The following GLG1 variants were observed in gnomAD, a reference collection of about 807,000 sequenced individuals.
The protein encoded by GLG1 is Golgi apparatus protein 1.
Under a neutral mutation model 160.5 loss-of-function variants are expected in GLG1, and 38 were observed. The ratio of observed to expected loss-of-function variants is 0.24; its 90% CI spans 0.18 to 0.31. The LOEUF is 0.31. Ranked by LOEUF, GLG1 falls within the 10% of genes least tolerant of loss-of-function variation. The pLI, the probability that GLG1 is intolerant of heterozygous loss-of-function variation, is 1.00. For synonymous variants in GLG1, 644 were observed against 543.4 expected, an observed-to-expected ratio of 1.19 and a Z score of -2.57; for missense variants, 1,373 against 1,505.2, an observed-to-expected ratio of 0.91 and a Z score of 1.45.
chr16:74,586,702 A>AT (rs36008097), intron 1 of GLG1, among the ~76,000 whole-genome samples: 22,197 of 146,660 alleles, frequency 0.15, 1,817 homozygotes, highest in Middle Eastern at 0.22. Context: ...TGTAATTCTA[A>AT]TTTTTTTTTT....
intron 2 of GLG1, among the ~76,000 whole-genome samples, chr16:74,515,039 G>C (rs981146837): frequency 2.0e-5 from 3 of 151,884 alleles, no homozygotes; most frequent in African/African-American, 4.8e-5. Context: ...AAGATCAAAA[G>C]AGACAAAGAA....
chr16:74,463,003 C>G (rs2014861822), intron 20 of GLG1: 3 of 415,244 alleles, frequency 7.2e-6, no homozygotes, highest in Non-Finnish European at 8.6e-6. Context: ...ACGAGGTCTT[C>G]CAACTCAGAG....
rs1237601743 is a variant in GLG1, at chr16:74,607,060, C to G, written c.35G>C (p.Arg12Pro). The change falls in exon 1 of 26, where the codon CGC becomes CCC. Residue 12 changes from arginine (R) to proline (P), a missense_variant. By Grantham distance (103) the Arg-to-Pro change is moderately radical. Coordinates refer to ENST00000422840, the MANE Select transcript of GLG1 (RefSeq NM_001145667.2). The part of the protein sequence containing the change: ...AACGRVRRMF[R>P]LSAALHLLLL... ...CAGCAGATGCAGCGCCGCCGACAAG[C>G]GGAACATCCTCCGTACACGTCCACA... 1.3e-6 allele frequency: 2 copies of G among 1,585,704 alleles called. No individual in the cohort carries two copies. The highest frequency in any genetic ancestry group is 2.3e-5 in the East Asian group (1 of 43,622).
At chr16:74,606,572 G>T in intron 1 of GLG1, 85 bp downstream of exon 1, 1 of 1,174,634 alleles carries the variant, frequency 8.5e-7, no homozygotes, top group South Asian at 1.5e-5. Flanking sequence ...GAAAGCAGCC[G>T]ACCGGCGTCA....
rs763690012 is a variant in GLG1 at position 74,459,804 on chromosome 16, C to CA, written c.3037-16dup. The CA allele has an allele frequency of 1.5e-6, 2 of 1,352,610 alleles. No homozygotes were observed. Among genetic ancestry groups the CA allele is most frequent in the Non-Finnish European group, 2.1e-6 (2 of 965,306 alleles). 83.8% of individuals were successfully genotyped at this position (1,352,610 alleles called of 1,614,324 possible). On this transcript the variant is annotated splice_polypyrimidine_tract_variant and intron_variant, in intron 22 of 25. Coordinates refer to ENST00000422840, the MANE Select transcript of GLG1 (RefSeq NM_001145667.2). ...AGACTGGAGATCTGTTCAGGAGACA[C>CA]AAAAAACAAAGCTACCCCACTGAGC...
At chr16:74,586,236 A>G (rs1019753617) in intron 1 of GLG1, among the ~76,000 whole-genome samples, 2 of 152,142 alleles carry the variant, frequency 1.3e-5, no homozygotes, top group African/African-American at 4.8e-5. Context: ...GGGTCTCTGG[A>G]TCACCAGATG....
At chr16:74,562,741 T>G (rs1942925848) in intron 1 of GLG1, among the ~76,000 whole-genome samples, 1 of 152,132 alleles carries the variant, frequency 6.6e-6, no homozygotes, top group Non-Finnish European at 1.5e-5. Context: ...TCCCAAAGTG[T>G]AGAGATTACA....
At chr16:74,519,445 G>C (rs969886362) in intron 2 of GLG1, among the ~76,000 whole-genome samples, 2 of 151,432 alleles carry the variant, frequency 1.3e-5, no homozygotes, top group African/African-American at 4.9e-5. Flanking sequence ...TAACAAAACT[G>C]TACGTTCTGC....
In GLG1 at chr16:74,529,811, T is replaced by TG. The variant is rs1567505881; in HGVS notation, c.471+2309_471+2310insC. ...TCCTATTCCTTGGCTCTTTGAGAGT[T>TG]CTTTTTTTTTTTTTTTTTTTTTTGT... is the stretch of plus-strand genomic sequence containing the variant. On this transcript the variant is annotated intron_variant, in intron 2 of 25. Transcript: ENST00000422840. Among the ~76,000 whole-genome samples, 12 of 132,282 alleles carry TG rather than the reference T, an allele frequency of 9.1e-5. 1 individual carries two copies. The highest frequency in any genetic ancestry group is 3.5e-4 in the African/African-American group (12 of 34,536). The allele number at this position is 132,282 out of a possible 152,430, so 86.8% of individuals were successfully genotyped here.
At chr16:74,498,909 C>T (rs944162038) in intron 4 of GLG1, among the ~76,000 whole-genome samples, 1 of 142,950 alleles carries the variant, frequency 7.0e-6, no homozygotes, top group East Asian at 2.1e-4. Context: ...AACCAAGTAG[C>T]GTAACATCTA....
intron 3 of GLG1, among the ~76,000 whole-genome samples, chr16:74,505,714 G>C (rs974603717): frequency 6.6e-6 from 1 of 152,198 alleles, no homozygotes; most frequent in Non-Finnish European, 1.5e-5. Context: ...AATTAGCCAG[G>C]TGTGGCGGCG....
At chr16:74,486,042 G>T in intron 8 of GLG1, 125 bp from the exon 9 acceptor site, 1 of 674,246 alleles carries the variant, frequency 1.5e-6, no homozygotes, top group Non-Finnish European at 2.5e-6. Flanking sequence ...GTTGTCTACA[G>T]TTGTCACTAG....
At chr16:74,454,320 C>G (rs1239995075) in intron 25 of GLG1, among the ~76,000 whole-genome samples, 2 of 151,960 alleles carry the variant, frequency 1.3e-5, no homozygotes, top group East Asian at 3.9e-4. Flanking sequence ...ATCCTCCTAC[C>G]TCAGCCTCCT....
rs556441069 is a variant in GLG1 at position 74,464,689 on chromosome 16, A to G, written c.2667+987T>C. On this transcript the variant is annotated intron_variant, in intron 19 of 25. Transcript: ENST00000422840. ...CAGAGCCTGACATTTCCATTTTTAC[A>G]TATGACTCAATTTCATCAGGCCAGT... is the stretch of plus-strand genomic sequence containing the variant. Among the ~76,000 whole-genome samples, 47 of 152,280 alleles carry G rather than the reference A, an allele frequency of 3.1e-4. No homozygotes were observed. In the South Asian group the frequency reaches 5.4e-3, roughly 17 times the overall value.
chr16:74,556,657 C>G (rs2018361635), intron 1 of GLG1, among the ~76,000 whole-genome samples: 1 of 151,510 alleles, frequency 6.6e-6, no homozygotes, highest in Non-Finnish European at 1.5e-5. Flanking sequence ...GCATTCCAAC[C>G]TGGGTGGCAG....
At chr16:74,459,600 G>T in intron 23 of GLG1, 82 bp downstream of exon 23, 2 of 738,414 alleles carry the variant, frequency 2.7e-6, no homozygotes, top group Non-Finnish European at 2.3e-6. Context: ...TATTACCAAG[G>T]TAGGCAGACT....
chr16:74,462,588 T>A lies in GLG1; in HGVS notation c.2834A>T (p.Asp945Val). Reference protein sequence around the residue: ...NPMLRKACKADIPKFCHGILT... With the variant: ...NPMLRKACKAVIPKFCHGILT... ...GATACCGTGACAGAATTTAGGAATG[T>A]CAGCTTTACAGGCTTTTCTTAACAT... Residue 945 changes from aspartate (D) to valine (V), a missense_variant, in exon 21 of 26, where the codon GAC (aspartate) becomes GTC (valine). Physicochemically the swap from Asp to Val is radical, Grantham distance 152. This residue lies in a region of GLG1 where 491 missense variants were observed against 632.1 expected (regional missense o/e 0.78). Transcript: ENST00000422840. 1.2e-6 allele frequency: 2 copies of A among 1,614,046 alleles called. No individual in the cohort carries two copies. The highest frequency in any genetic ancestry group is 8.5e-7 in the Non-Finnish European group (1 of 1,179,878).
chr16:74,469,221 A>G (rs2015111081), intron 16 of GLG1, 158 bp from the exon 17 acceptor site: 2 of 610,990 alleles, frequency 3.3e-6, no homozygotes, highest in Non-Finnish European at 6.0e-6. Flanking sequence ...GGGTGCTAAA[A>G]GCTGCAATTT....
Position 74,456,635 on chromosome 16 carries a change from C to A in GLG1, c.3372+14G>T, listed in dbSNP as rs917582631. ...TTTTGTTTTTTTAAAAAAGGAGATT[C>A]TCTTGGTCATTACCTTTGCTGCGTA... On this transcript the variant is annotated intron_variant, in intron 25 of 25. Transcript: ENST00000422840. 2 of 1,528,634 alleles carry A rather than the reference C, an allele frequency of 1.3e-6. No homozygotes were observed. Among genetic ancestry groups the A allele is most frequent in the Non-Finnish European group, 1.8e-6 (2 of 1,110,998 alleles). 94.7% of individuals were successfully genotyped at this position (1,528,634 alleles called of 1,614,324 possible). A position where few individuals can be genotyped will look rare whatever the true frequency, so the allele number is the denominator to read the frequency against.
Sources: allele counts gnomAD v4.1 joint callset (sites outside exome capture counted in the v4.1 genomes callset), GRCh38; gene constraint gnomAD v4.1.1; regional missense constraint gnomAD v4.1.1; transcripts MANE v1.5; gene names NCBI Gene and HGNC (gene_info 2026-07-23, HGNC 2026-07-21).